Variants in CHD1 observed in about 807,000 individuals in gnomAD.
CHD1 encodes chromodomain helicase DNA binding protein 1, also known as ATP-dependent chromatin remodeler CHD1.
In CHD1, 36 loss-of-function variants were observed where a neutral mutation model predicts 224.2. The observed-to-expected ratio is 0.16, with a 90% CI of 0.12 to 0.21. The LOEUF is 0.21. CHD1 is among the 10% of genes least tolerant of loss of function. CHD1 has a pLI of 1.00. For missense variants in CHD1, 1,378 were observed against 1,994.8 expected, an observed-to-expected ratio of 0.69 and a Z score of 5.89; for synonymous variants, 668 against 658.3, an observed-to-expected ratio of 1.01 and a Z score of -0.23.
intron 31 of CHD1, among the ~76,000 whole-genome samples, chr5:98,867,269 G>A (rs1432180381): frequency 2.0e-5 from 3 of 152,116 alleles, no homozygotes; most frequent in African/African-American, 7.2e-5. Flanking sequence ...GGAACGCAAA[G>A]GCATGACAAC....
chr5:98,915,101 C>A (rs10057320), intron 2 of CHD1, among the ~76,000 whole-genome samples: 1 of 152,056 alleles, frequency 6.6e-6, no homozygotes, highest in African/African-American at 2.4e-5. Context: ...CTATATAATA[C>A]ATTTTACATC....
chr5:98,911,889 A>C (rs1466507505), intron 2 of CHD1, among the ~76,000 whole-genome samples: 1 of 152,232 alleles, frequency 6.6e-6, no homozygotes, highest in Non-Finnish European at 1.5e-5. Flanking sequence ...TGCAATATGT[A>C]ATCTCTGTAC....
intron 14 of CHD1, among the ~76,000 whole-genome samples, chr5:98,893,056 C>A (rs761707936): frequency 1.8e-4 from 27 of 152,084 alleles, no homozygotes; most frequent in Non-Finnish European, 3.4e-4. Flanking sequence ...ACTTATTTAG[C>A]CTTGTCTAGT....
At position 98,858,947 on chromosome 5, in the gene CHD1, C is replaced by A; in HGVS notation, c.4576+17G>T. 1.3e-6 allele frequency: 2 copies of A among 1,492,244 alleles called. No individual in the cohort carries two copies. Among genetic ancestry groups the A allele is most frequent in the Non-Finnish European group, 1.8e-6 (2 of 1,126,106 alleles). The allele number at this position is 1,492,244 out of a possible 1,614,324, so 92.4% of individuals were successfully genotyped here. On this transcript the variant is annotated intron_variant, in intron 34 of 35. Transcript: ENST00000614616. ...ATTTTTTTTAATTTATTTTCCCAAT[C>A]AGTAAGGCTTACATACCTGGATTTC...
rs781129296 is a variant in CHD1 at position 98,893,426 on chromosome 5, T to C, written c.1981A>G (p.Met661Val). The change falls in exon 14 of 36, where the codon ATG (methionine) becomes GTG (valine). Residue 661 changes from methionine to valine, a missense_variant. This residue lies in a region of CHD1 where 37 missense variants were observed against 118.9 expected (regional missense o/e 0.31). Transcript: ENST00000614616. Reference protein sequence around the residue: ...KELWSLLHFIMPEKFSSWEDF... With the variant: ...KELWSLLHFIVPEKFSSWEDF... ...GTAAAGTTGTCTTACTTTTCTGGCA[T>C]AATGAAATGTAGCAAAGACCAGAGC... 1 of 1,586,878 alleles carries C rather than the reference T, an allele frequency of 6.3e-7. No homozygotes were observed. Among genetic ancestry groups the C allele is most frequent in the South Asian group, 1.2e-5 (1 of 85,844 alleles).
chr5:98,901,658 A>C (rs1751721309), intron 5 of CHD1, among the ~76,000 whole-genome samples: 1 of 151,902 alleles, frequency 6.6e-6, no homozygotes, highest in African/African-American at 2.4e-5. Context: ...AATCCATGCC[A>C]TTTTAATCCT....
chr5:98,904,938 T>A lies in CHD1; in HGVS notation c.214A>T (p.Asn72Tyr), dbSNP rs199760900. ...SESESDTSRENKVQAKPPKVD... is the reference protein window; with the variant it reads ...SESESDTSREYKVQAKPPKVD... ...TTCGGTGGTTTTGCTTGAACTTTGT[T>A]TTCTCGGGAAGTGTCTGACTCAGAC... Residue 72 changes from asparagine (N) to tyrosine (Y), a missense_variant, in exon 3 of 36, where the codon AAC (asparagine) becomes TAC (tyrosine). By Grantham distance (143) the Asn-to-Tyr change is moderately radical. Transcript: ENST00000614616. The A allele has an allele frequency of 1.5e-5, 24 of 1,613,980 alleles. No individual in the cohort carries two copies. The highest frequency in any genetic ancestry group is 1.9e-5 in the Non-Finnish European group (22 of 1,179,890).
rs555285462 is a variant in CHD1, at chr5:98,924,383, C to G, written c.53+1951G>C. ...AGATTCAAAAGTCTTTTAATTAAAC[C>G]TCAACTCTGGTGATTCTAGTAAAAC... is the stretch of plus-strand genomic sequence containing the variant. On this transcript the variant is annotated intron_variant, in intron 2 of 35. Coordinates refer to ENST00000614616, the MANE Select transcript of CHD1 (RefSeq NM_001270.4). Among the ~76,000 whole-genome samples the G allele has an allele frequency of 1.1e-3, 170 of 152,286 alleles. 1 individual carries two copies. Among genetic ancestry groups the G allele is most frequent in the East Asian group, 4.2e-3 (22 of 5,188 alleles).
At chr5:98,858,466 G>T (rs1748212459) in intron 34 of CHD1, 76 bp from the exon 35 acceptor site, 1 of 1,233,210 alleles carries the variant, frequency 8.1e-7, no homozygotes, top group Non-Finnish European at 1.2e-6. Context: ...TAGATAACAA[G>T]AATTCGTTTC....
In CHD1 at chr5:98,928,837, G is replaced by A; in HGVS notation, c.-447C>T. 6.4e-6 allele frequency: 1 copy of A among 157,448 alleles called. No homozygotes were observed. Among genetic ancestry groups the A allele is most frequent in the Non-Finnish European group, 1.4e-5 (1 of 72,184 alleles). 9.8% of individuals were successfully genotyped at this position (157,448 alleles called of 1,614,324 possible). A position where few individuals can be genotyped will look rare whatever the true frequency, so the allele number is the denominator to read the frequency against. On this transcript the variant is annotated 5_prime_UTR_variant, in exon 1 of 36. Coordinates refer to ENST00000614616, the MANE Select transcript of CHD1 (RefSeq NM_001270.4). ...CCGCCGCCGCCGCCGTCGCGCGCGC[G>A]CTCCCGCTCCCTCCGCTTATCTGCC...
intron 34 of CHD1, 32 bp from the exon 35 acceptor site, chr5:98,858,422 C>T (rs1748207190): frequency 9.7e-6 from 15 of 1,554,074 alleles, no homozygotes; most frequent in Non-Finnish European, 1.3e-5. Context: ...TATTAATGAC[C>T]TTAAAAATAA....
At chr5:98,907,759 CAAT>C (rs1752143039) in intron 2 of CHD1, among the ~76,000 whole-genome samples, 1 of 151,640 alleles carries the variant, frequency 6.6e-6, no homozygotes, top group Non-Finnish European at 1.5e-5. Flanking sequence ...TGAAAAGCAA[CAAT>C]GGCAGAATAA....
intron 34 of CHD1, chr5:98,858,673 T>A (rs1037912893): frequency 1.2e-5 from 5 of 421,546 alleles, no homozygotes; most frequent in African/African-American, 1.0e-4. Context: ...GCATTACTAT[T>A]CCAAATTACA....
intron 10 of CHD1, 67 bp from the exon 11 acceptor site, chr5:98,897,387 G>A (rs919913355): frequency 8.7e-7 from 1 of 1,145,302 alleles, no homozygotes; most frequent in African/African-American, 1.6e-5. Flanking sequence ...AAAGATGAAA[G>A]CCTCAGCTTT....
intron 2 of CHD1, among the ~76,000 whole-genome samples, chr5:98,923,900 T>G (rs1753273507): frequency 6.6e-6 from 1 of 152,184 alleles, no homozygotes; most frequent in African/African-American, 2.4e-5. Flanking sequence ...TTATGAATAG[T>G]TTGGTTCCTT....
chr5:98,898,502 T>C (rs1751488542), intron 9 of CHD1, 68 bp from the exon 10 acceptor site: 5 of 1,359,376 alleles, frequency 3.7e-6, no homozygotes, highest in Non-Finnish European at 3.9e-6. Flanking sequence ...GATACATAAT[T>C]CTTAGTAAAG....
At chr5:98,923,976 C>T (rs1048364158) in intron 2 of CHD1, among the ~76,000 whole-genome samples, 4 of 152,130 alleles carry the variant, frequency 2.6e-5, no homozygotes, top group Admixed American at 2.6e-4. Flanking sequence ...AAATGTGAGG[C>T]CGGGTGTGGC....
intron 32 of CHD1, chr5:98,860,615 T>C (rs1748397337): frequency 6.2e-6 from 1 of 162,382 alleles, no homozygotes; most frequent in South Asian, 1.7e-4. Context: ...CATCAGTAAT[T>C]AATCAGAGAC....
chr5:98,901,749 T>TAA (rs34642604), intron 5 of CHD1, among the ~76,000 whole-genome samples: 34 of 141,856 alleles, frequency 2.4e-4, no homozygotes, highest in Admixed American at 1.1e-3. Flanking sequence ...ATAGAAAAAT[T>TAA]AAAAAAAAAA....
Sources: allele counts gnomAD v4.1 joint callset (sites outside exome capture counted in the v4.1 genomes callset), GRCh38; gene constraint gnomAD v4.1.1; regional missense constraint gnomAD v4.1.1; transcripts MANE v1.5; gene names NCBI Gene and HGNC (gene_info 2026-07-23, HGNC 2026-07-21).